ADGB: variants seen among roughly 807,000 people sequenced by gnomAD.
ADGB encodes the protein calpain-7-like protein.
In ADGB, 172 loss-of-function variants were observed where a neutral mutation model predicts 210.5. The ratio of observed to expected loss-of-function variants is 0.82; its 90% confidence interval spans 0.72 to 0.93. The LOEUF (loss-of-function observed/expected upper bound fraction) is 0.93, where lower values mean the gene tolerates loss of function less well. Ranked by LOEUF, ADGB falls within the 40% of genes least tolerant of loss-of-function variation. The probability of loss-of-function intolerance (pLI) is 0.00; values close to 1 mark genes in which losing one functional copy is unlikely to be tolerated. For synonymous variants in ADGB, 658 were observed against 662.7 expected (o/e 0.99, Z 0.11); for missense variants, 2,025 against 1,964.8 (o/e 1.03, Z -0.58).
At chr6:146,683,421 C>G (rs1261531787) in intron 9 of ADGB, among the ~76,000 whole-genome samples, 1 of 152,030 alleles carries the variant, frequency 6.6e-6, no homozygotes, top group Non-Finnish European at 1.5e-5. Context: ...TTAATAGCAC[C>G]AGTATAGTGA....
intron 10 of ADGB, among the ~76,000 whole-genome samples, chr6:146,686,170 AT>A: frequency 6.6e-6 from 1 of 152,228 alleles, no homozygotes; most frequent in African/African-American, 2.4e-5. Flanking sequence ...CCAGGTAATA[AT>A]TAATGACCTT....
At chr6:146,681,507 TAAACAAC>T (rs1776156873) in intron 9 of ADGB, among the ~76,000 whole-genome samples, 1 of 152,080 alleles carries the variant, frequency 6.6e-6, no homozygotes, top group Non-Finnish European at 1.5e-5. Flanking sequence ...CAGTAAAACT[TAAACAAC>T]ACACCTGGTT....
chr6:146,715,646 T>C (rs1270181129), intron 14 of ADGB, among the ~76,000 whole-genome samples: 1 of 152,204 alleles, frequency 6.6e-6, no homozygotes, highest in Non-Finnish European at 1.5e-5. Context: ...ATAAAGTTCA[T>C]GTGTTTTAAT....
intron 31 of ADGB, 90 bp downstream of exon 31, chr6:146,784,884 C>A: frequency 1.5e-6 from 2 of 1,307,896 alleles, no homozygotes; most frequent in Non-Finnish European, 2.1e-6. Context: ...AACCATATAG[C>A]CTGTCCTTTA....
At chr6:146,613,717 T>C (rs1484454177) in intron 1 of ADGB, among the ~76,000 whole-genome samples, 1 of 152,186 alleles carries the variant, frequency 6.6e-6, no homozygotes. Flanking sequence ...CAGCTAATGT[T>C]TTCCTTAAAG....
At chr6:146,681,811 C>G (rs897411777) in intron 9 of ADGB, among the ~76,000 whole-genome samples, 1 of 152,042 alleles carries the variant, frequency 6.6e-6, no homozygotes. Context: ...GGAACACATT[C>G]GAGTCATTAT....
At chr6:146,780,343 T>A (rs1562298912) in intron 29 of ADGB, among the ~76,000 whole-genome samples, 1 of 152,086 alleles carries the variant, frequency 6.6e-6, no homozygotes, top group African/African-American at 2.4e-5. Context: ...CAGACATAAA[T>A]CCTATCTTAA....
chr6:146,778,805 A>C (rs1250381457), intron 29 of ADGB, among the ~76,000 whole-genome samples: 1 of 152,190 alleles, frequency 6.6e-6, no homozygotes, highest in African/African-American at 2.4e-5. Flanking sequence ...GATCCTCAGA[A>C]GGTTTGGATA....
chr6:146,752,305 A>G (rs1034444137), intron 26 of ADGB, among the ~76,000 whole-genome samples: 1 of 151,878 alleles, frequency 6.6e-6, no homozygotes, highest in African/African-American at 2.4e-5. Flanking sequence ...TCTCATGACA[A>G]CTCACTCACT....
chr6:146,707,060 A>G (rs1309857942), intron 13 of ADGB, among the ~76,000 whole-genome samples: 1 of 151,826 alleles, frequency 6.6e-6, no homozygotes, highest in Admixed American at 6.6e-5. Context: ...GTCAATTTTC[A>G]TTTGTCTCAA....
At chr6:146,786,615 T>C (rs1392250735) in intron 32 of ADGB, among the ~76,000 whole-genome samples, 1 of 152,158 alleles carries the variant, frequency 6.6e-6, no homozygotes, top group Non-Finnish European at 1.5e-5. Flanking sequence ...AGTCTACTCA[T>C]CTTAGAGATA....
At chr6:146,672,082 CT>C in intron 7 of ADGB, 137 bp from the exon 8 acceptor site, 2 of 1,174,508 alleles carry the variant, frequency 1.7e-6, no homozygotes, top group South Asian at 3.5e-5. Flanking sequence ...TAATGCTGTT[CT>C]TTTAACTAAA....
chr6:146,714,270 AGT>A (rs1776700387), intron 13 of ADGB, among the ~76,000 whole-genome samples: 1 of 151,612 alleles, frequency 6.6e-6, no homozygotes, highest in Admixed American at 6.6e-5. Flanking sequence ...ATTGAGGATG[AGT>A]GAGTTTTATT....
chr6:146,782,748 A>G (rs1331857620), intron 30 of ADGB, among the ~76,000 whole-genome samples: 3 of 152,198 alleles, frequency 2.0e-5, no homozygotes, highest in Non-Finnish European at 4.4e-5. Context: ...TATACAGTCC[A>G]GAGGTTATGA....
Position 146,688,447 on chromosome 6 carries a change from G to A in ADGB, c.1311+2619G>A, listed in dbSNP as rs117689918. On this transcript the variant is annotated intron_variant, in intron 10 of 35. Coordinates refer to ENST00000397944, the MANE Select transcript of ADGB (RefSeq NM_024694.4). ...GTGTTCAAAGCAGAGGAAATCTTAC[G>A]TTGGAAAGTTTGGAGATGAAGAAGA... Among the ~76,000 whole-genome samples, 287 of 152,224 alleles carry A rather than the reference G, an allele frequency of 1.9e-3. 5 individuals carry two copies. The East Asian group carries it at 0.028, about 15-fold the overall frequency.
At chr6:146,769,856 C>G (rs1263716529) in intron 29 of ADGB, among the ~76,000 whole-genome samples, 1 of 152,310 alleles carries the variant, frequency 6.6e-6, no homozygotes, top group African/African-American at 2.4e-5. Context: ...GTCCCATTAA[C>G]CTGAGTTCAA....
In ADGB at chr6:146,740,569, C is replaced by G; in HGVS notation, c.2999C>G (p.Pro1000Arg). Residue 1000 changes from proline (P) to arginine (R), a missense_variant, in exon 24 of 36, where the codon CCA becomes CGA. Physicochemically the swap from Pro to Arg is moderately radical, Grantham distance 103 (BLOSUM62 -2). Transcript: ENST00000397944. Reference sequence around the variant, plus strand: ...ACTGTGACTTATCAAGAACAGCCACCAAATTCTTGGTTTATAGTATTCAGG... The same window carrying G: ...ACTGTGACTTATCAAGAACAGCCACGAAATTCTTGGTTTATAGTATTCAGG... ...DYTVTYQEQP[P>R]NSWFIVFRET... 6.4e-7 allele frequency: 1 copy of G among 1,550,708 alleles called. No individual in the cohort carries two copies. Among genetic ancestry groups the G allele is most frequent in the Non-Finnish European group, 8.7e-7 (1 of 1,146,524 alleles).
At chr6:146,642,143 C>T (rs575934204) in intron 2 of ADGB, among the ~76,000 whole-genome samples, 1 of 151,798 alleles carries the variant, frequency 6.6e-6, no homozygotes, top group South Asian at 2.1e-4. Flanking sequence ...ATGCAGCCAA[C>T]AAGCATATGA....
intron 2 of ADGB, among the ~76,000 whole-genome samples, chr6:146,638,014 C>G (rs561881720): frequency 4.0e-4 from 61 of 152,110 alleles, no homozygotes; most frequent in African/African-American, 1.5e-3. Context: ...CCAAATCCAG[C>G]AGCACATCAA....
Sources: gnomAD v4.1 joint callset for allele counts (sites outside exome capture counted in the v4.1 genomes callset) on GRCh38, gnomAD v4.1.1 for gene constraint, MANE v1.5 for transcripts, NCBI Gene and HGNC (gene_info 2026-07-23, HGNC 2026-07-21) for gene names.